Variants in TTC22 observed in about 807,000 individuals in gnomAD.
The protein encoded by TTC22 is tetratricopeptide repeat protein 22.
In TTC22, 42 loss-of-function variants were observed where a neutral mutation model predicts 48.2. The ratio of observed to expected loss-of-function variants is 0.87; its 90% CI spans 0.68 to 1.13. TTC22 has a LOEUF of 1.13. Among genes scored for constraint, TTC22 ranks in the 50% most tolerant of loss-of-function variants. TTC22 has a pLI of 0.00. For missense variants in TTC22, 784 were observed against 807.0 expected, an observed-to-expected ratio of 0.97 and a Z score of 0.34; for synonymous variants, 345 against 365.5, an observed-to-expected ratio of 0.94 and a Z score of 0.64.
intron 1 of TTC22, among the ~76,000 whole-genome samples, chr1:54,795,152 C>T (rs1646381107): frequency 6.6e-6 from 1 of 152,182 alleles, no homozygotes; most frequent in South Asian, 2.1e-4. Flanking sequence ...GGAATCCCAC[C>T]CCTGCCTCTC....
intron 1 of TTC22, among the ~76,000 whole-genome samples, chr1:54,795,136 G>C (rs1373954632): frequency 6.6e-6 from 1 of 152,222 alleles, no homozygotes; most frequent in Admixed American, 6.5e-5. Flanking sequence ...AACAGAAGAT[G>C]AGATTGGAAT....
intron 6 of TTC22, among the ~76,000 whole-genome samples, 167 bp downstream of exon 6, chr1:54,782,158 T>C (rs1425522357): frequency 6.6e-6 from 1 of 152,252 alleles, no homozygotes; most frequent in African/African-American, 2.4e-5. Flanking sequence ...TTATTCTAAA[T>C]ACTGTACACA....
rs1032591548 is a variant in TTC22, at chr1:54,787,827, C to G, written c.624-1G>C. On this transcript the variant is annotated splice_acceptor_variant, in intron 2 of 6. Coordinates refer to ENST00000371276, the MANE Select transcript of TTC22 (RefSeq NM_001114108.2). LOFTEE classifies it high-confidence loss of function. The stretch of plus-strand genomic sequence containing the variant: ...CAGCTCCAGGAAGATGCCATCTAGC[C>G]TGTGGCCGAGAAGGAGATGTGGTTG... 6 of 1,605,318 alleles carry G rather than the reference C, an allele frequency of 3.7e-6. No individual in the cohort carries two copies. In the Admixed American group the frequency reaches 1.0e-4, roughly 27 times the overall value.
rs748055131 is a variant in TTC22, at chr1:54,788,041, C to T, written c.623+1G>A. The T allele has an allele frequency of 1.9e-6, 3 of 1,613,932 alleles. No individual in the cohort carries two copies. The Admixed American group carries it at 5.0e-5, about 27-fold the overall frequency. Reference sequence around the variant, plus strand: ...GTACCCCCACCACCCTCTTGCCTGACCTGATGTAGAGTGTTGCCATGGTGA... The same window carrying T: ...GTACCCCCACCACCCTCTTGCCTGATCTGATGTAGAGTGTTGCCATGGTGA... On this transcript the variant is annotated splice_donor_variant, in intron 2 of 6. Transcript: ENST00000371276. LOFTEE classifies it high-confidence loss of function.
intron 4 of TTC22, 133 bp from the exon 5 acceptor site, chr1:54,786,277 C>T: frequency 1.3e-6 from 1 of 744,102 alleles, no homozygotes; most frequent in Non-Finnish European, 2.2e-6. Context: ...CCCATATCCA[C>T]CCTTATCCAC....
At chr1:54,789,849 A>G (rs1193528999) in intron 1 of TTC22, among the ~76,000 whole-genome samples, 1 of 152,208 alleles carries the variant, frequency 6.6e-6, no homozygotes, top group East Asian at 1.9e-4. Context: ...AGTAGGAATC[A>G]CCCAGGTGGA....
chr1:54,788,333 T>A (rs28411121), intron 1 of TTC22, among the ~76,000 whole-genome samples: 7,375 of 152,094 alleles, frequency 0.048, 177 homozygotes, highest in South Asian at 0.069. Flanking sequence ...GAGGTGCCTA[T>A]CCTAGAGCAG....
intron 6 of TTC22, among the ~76,000 whole-genome samples, 191 bp from the exon 7 acceptor site, chr1:54,781,970 C>T (rs1646266783): frequency 6.6e-6 from 1 of 152,254 alleles, no homozygotes; most frequent in Admixed American, 6.5e-5. Flanking sequence ...GTTCCAGCCC[C>T]TTCACACCTA....
At chr1:54,797,346 C>T (rs1180334028) in intron 1 of TTC22, among the ~76,000 whole-genome samples, 1 of 152,120 alleles carries the variant, frequency 6.6e-6, no homozygotes, top group Non-Finnish European at 1.5e-5. Flanking sequence ...CGATCTGCCT[C>T]CTCATATTTT....
In TTC22 at chr1:54,780,505, AAG is replaced by A. The variant is rs1491584996; in HGVS notation, c.*736_*737del. On this transcript the variant is annotated 3_prime_UTR_variant, in exon 7 of 7. Coordinates refer to ENST00000371276, the MANE Select transcript of TTC22 (RefSeq NM_001114108.2). ...CTCCCTCTCAAAAAAAAAAAAAAAA[AAG>A]GGGGGGGGCAGGTGGCACCTCCTAA... The A allele has an allele frequency of 9.1e-3, 1,177 of 129,844 alleles. 6 individuals are homozygous for A. The highest frequency in any genetic ancestry group is 0.012 in the Admixed American group (160 of 13,158). The allele number at this position is 129,844 out of a possible 1,614,324, so 8.0% of individuals were successfully genotyped here.
chr1:54,797,825 C>G (rs1371824886), intron 1 of TTC22, among the ~76,000 whole-genome samples: 1 of 152,110 alleles, frequency 6.6e-6, no homozygotes, highest in Non-Finnish European at 1.5e-5. Flanking sequence ...AGCAGCTGTT[C>G]ACAGTTCTTC....
intron 2 of TTC22, 57 bp from the exon 3 acceptor site, chr1:54,787,883 T>G: frequency 6.6e-7 from 1 of 1,520,906 alleles, no homozygotes. Flanking sequence ...TCCTGTGTGC[T>G]GCCAGCCCTG....
chr1:54,792,548 C>T (rs1030301072), intron 1 of TTC22, among the ~76,000 whole-genome samples: 2 of 152,220 alleles, frequency 1.3e-5, no homozygotes, highest in Non-Finnish European at 2.9e-5. Flanking sequence ...ATTCTCCTGC[C>T]TCAGCCTCCC....
chr1:54,786,246 G>A lies in TTC22; in HGVS notation c.859-102C>T, dbSNP rs538323288. On this transcript the variant is annotated intron_variant, in intron 4 of 6. Coordinates refer to ENST00000371276, the MANE Select transcript of TTC22 (RefSeq NM_001114108.2). ...AGGAACCCCATCTTTGGATACAGCC[G>A]TATCAACATGGTGCCCTTTACCCAT... 156 of 1,088,446 alleles carry A rather than the reference G, an allele frequency of 1.4e-4. 3 individuals carry two copies. In the South Asian group the frequency reaches 1.5e-3, roughly 11 times the overall value. 67.4% of individuals were successfully genotyped at this position (1,088,446 alleles called of 1,614,324 possible).
At chr1:54,794,660 C>A (rs1646376643) in intron 1 of TTC22, 1 of 152,230 alleles carries the variant, frequency 6.6e-6, no homozygotes, top group Non-Finnish European at 1.5e-5. Context: ...TCCAGTGTCA[C>A]TGGGCTCCTC....
At position 54,787,707 on chromosome 1, in the gene TTC22, CCA is replaced by C; in HGVS notation, c.739+2_739+3del. Reference sequence around the variant, plus strand: ...GCTGTCCCACCCATCCCCCGGGTCCCCACCTCGGTGGCGGGGGTCCTCGGACT... The same window carrying C: ...GCTGTCCCACCCATCCCCCGGGTCCCCCTCGGTGGCGGGGGTCCTCGGACT... On this transcript the variant is annotated splice_donor_variant and splice_donor_region_variant and intron_variant, in intron 3 of 6. Coordinates refer to ENST00000371276, the MANE Select transcript of TTC22 (RefSeq NM_001114108.2). LOFTEE classifies it high-confidence loss of function. 6.2e-7 allele frequency: 1 copy of C among 1,609,424 alleles called. No homozygotes were observed.
chr1:54,793,913 G>A lies in TTC22; in HGVS notation c.568-5816C>T, dbSNP rs58324885. On this transcript the variant is annotated intron_variant, in intron 1 of 6. Coordinates refer to ENST00000371276, the MANE Select transcript of TTC22 (RefSeq NM_001114108.2). The stretch of plus-strand genomic sequence containing the variant: ...GAGAACTCTGCGAGTTAGCTCCAGA[G>A]TCTTTGCCTCCAACTACCCTAGACA... Among the ~76,000 whole-genome samples, 855 of 152,294 alleles carry A rather than the reference G, an allele frequency of 5.6e-3. 6 individuals are homozygous for A. The highest frequency in any genetic ancestry group is 0.019 in the African/African-American group (805 of 41,562).
chr1:54,800,988 A>T lies in TTC22; in HGVS notation c.176T>A (p.Leu59Gln), dbSNP rs1333047129. 5.0e-6 allele frequency: 8 copies of T among 1,605,920 alleles called. No homozygotes were observed. Among genetic ancestry groups the T allele is most frequent in the East Asian group, 2.2e-5 (1 of 44,616 alleles). ...QREGLRQELQ[L>Q]AAAPQRPAVR... is the part of the protein sequence containing the mutation. Reference sequence around the variant, plus strand: ...AGCGGGGCGCTGCGGGGCGGCCGCCAGCTGGAGCTCCTGCCGCAGACCCTC... The same window carrying T: ...AGCGGGGCGCTGCGGGGCGGCCGCCTGCTGGAGCTCCTGCCGCAGACCCTC... The change falls in exon 1 of 7, where the codon CTG (leucine) becomes CAG (glutamine). Residue 59 changes from leucine to glutamine, a missense_variant. By Grantham distance (113) the Leu-to-Gln change is moderately radical. Transcript: ENST00000371276.
At chr1:54,799,199 C>G (rs1215794443) in intron 1 of TTC22, among the ~76,000 whole-genome samples, 1 of 152,212 alleles carries the variant, frequency 6.6e-6, no homozygotes, top group Non-Finnish European at 1.5e-5. Context: ...GCCACACCCC[C>G]ATGAAGCAAT....
Sources: allele counts gnomAD v4.1 joint callset (sites outside exome capture counted in the v4.1 genomes callset), GRCh38; gene constraint gnomAD v4.1.1; transcripts MANE v1.5; gene names NCBI Gene and HGNC (gene_info 2026-07-23, HGNC 2026-07-21).